PGAP6: variants seen among roughly 807,000 people sequenced by gnomAD.
PGAP6 encodes the protein post-GPI attachment to proteins 6, also known as post-GPI attachment to proteins factor 6.
In PGAP6, 62 loss-of-function variants were observed where a neutral mutation model predicts 68.4. The observed-to-expected ratio is 0.91, with a 90% CI of 0.74 to 1.12. The LOEUF (loss-of-function observed/expected upper bound fraction) is 1.12, where lower values mean the gene tolerates loss of function less well. PGAP6 is among the 50% of genes most tolerant of loss of function. PGAP6 has a pLI of 0.00. For synonymous variants in PGAP6, 575 were observed against 474.0 expected (o/e 1.21, Z -2.77); for missense variants, 1,188 against 1,068.5 (o/e 1.11, Z -1.56).
Position 377,402 on chromosome 16 carries a change from G to A in PGAP6, c.483C>T (p.Pro161=), listed in dbSNP as rs549720498. Residue 161 remains proline (P), a synonymous_variant, in exon 3 of 13, where the codon CCC becomes CCT. Transcript: ENST00000431232. ...GDWFVAAHLP[P]SSQKIELKGL... ...CCTTCAACTCGATCTTCTGGGATGA[G>A]GGGGGCAGGTGGGCGGCCACGAACC... 3.1e-6 allele frequency: 5 copies of A among 1,603,342 alleles called. No individual in the cohort carries two copies. The East Asian group carries it at 6.7e-5, about 22-fold the overall frequency.
At position 377,729 on chromosome 16, in the gene PGAP6, A is replaced by G. The variant is rs765996025; in HGVS notation, c.241T>C (p.Trp81Arg). 2 of 1,597,154 alleles carry G rather than the reference A, an allele frequency of 1.3e-6. No individual in the cohort carries two copies. Among genetic ancestry groups the G allele is most frequent in the Admixed American group, 3.5e-5 (2 of 57,552 alleles). ...CTCTCCCGGGAGACCTGCAGGAGCC[A>G]GCGTAGAAGCACAGCATCTGGGGGC... ...RVPPDAVLLR[W>R]LLQVSRESGA... Residue 81 changes from tryptophan to arginine, a missense_variant, in exon 2 of 13, where the codon TGG becomes CGG. Transcript: ENST00000431232.
chr16:386,926 G>A (rs759767761), upstream of PGAP6: 24 of 593,206 alleles, frequency 4.0e-5, no homozygotes, highest in Middle Eastern at 5.7e-4. Flanking sequence ...CTGCGACGCC[G>A]GAGGCGGCCT....
intron 4 of PGAP6, 35 bp from the exon 5 acceptor site, chr16:376,847 C>T: frequency 6.3e-7 from 1 of 1,598,074 alleles, no homozygotes; most frequent in Non-Finnish European, 8.5e-7. Flanking sequence ...TCAGGCTCTG[C>T]CATTCCTCAG....
At chr16:382,214 G>C (rs2054450277), upstream of PGAP6, 3 of 392,784 alleles carry the variant, frequency 7.6e-6, no homozygotes, top group East Asian at 1.1e-4. Context: ...AGGTCGCGCC[G>C]GGCGCGCTCG....
chr16:375,901 A>ACATCCTG (rs2054378007), intron 6 of PGAP6, among the ~76,000 whole-genome samples: 2 of 152,054 alleles, frequency 1.3e-5, no homozygotes, highest in African/African-American at 2.4e-5. Context: ...GGGCCCTGGG[A>ACATCCTG]CATCCTGCCT....
chr16:372,410 T>C (rs1178579598), intron 12 of PGAP6, 127 bp from the exon 13 acceptor site: 1 of 1,129,280 alleles, frequency 8.9e-7, no homozygotes, highest in Non-Finnish European at 1.3e-6. Context: ...GTGGGCTGCT[T>C]CGAGGGGGCT....
chr16:382,052 G>GA (rs2054446118), upstream of PGAP6: 1 of 501,124 alleles, frequency 2.0e-6, no homozygotes, highest in Non-Finnish European at 2.8e-6. Flanking sequence ...ACCGGGGGGG[G>GA]CGCGGACGCC....
At position 373,155 on chromosome 16, in the gene PGAP6, T is replaced by C. The variant is rs369572903; in HGVS notation, c.1903-428A>G. ...CACCTCTGCCCACAGCCTACAGTTC[T>C]CTGCCTATCTGCAGGTTCAGGCCCC... is the stretch of plus-strand genomic sequence containing the variant. On this transcript the variant is annotated intron_variant, in intron 11 of 12. Transcript: ENST00000431232. Among the ~76,000 whole-genome samples, 13 of 152,342 alleles carry C rather than the reference T, an allele frequency of 8.5e-5. No individual in the cohort carries two copies. The East Asian group carries it at 1.5e-3, about 18-fold the overall frequency.
In PGAP6 at chr16:372,358, T is replaced by G. The variant is rs1336808226; in HGVS notation, c.2020-75A>C. On this transcript the variant is annotated intron_variant, in intron 12 of 12. Transcript: ENST00000431232. ...AGCTCCCAGGGCCCAGATACGGTGG[T>G]TACTGGGGGCCTGCCCAGGTCTGGG... is the stretch of plus-strand genomic sequence containing the variant. 10 of 1,482,296 alleles carry G rather than the reference T, an allele frequency of 6.7e-6. No homozygotes were observed. In the Admixed American group the frequency reaches 1.9e-4, roughly 28 times the overall value. 91.8% of individuals were successfully genotyped at this position (1,482,296 alleles called of 1,614,324 possible).
intron 1 of PGAP6, among the ~76,000 whole-genome samples, chr16:379,354 T>C (rs1459071704): frequency 6.6e-6 from 1 of 152,150 alleles, no homozygotes; most frequent in Non-Finnish European, 1.5e-5. Context: ...TGTCGGCAAA[T>C]CCAGGCCAAG....
Position 374,810 on chromosome 16 carries a change from A to C in PGAP6, c.1522T>G (p.Cys508Gly). 6.2e-7 allele frequency: 1 copy of C among 1,612,892 alleles called. No individual in the cohort carries two copies. The highest frequency in any genetic ancestry group is 8.5e-7 in the Non-Finnish European group (1 of 1,179,952). ...TAGCTGTGTCTGCGGAGCAGGAGGC[A>C]CTGGCCATAGGGTCCACAATCGTTC... ...CLNDCGPYGQ[C>G]LLLRRHSYLY... is the part of the protein sequence containing the mutation. The change falls in exon 9 of 13, where the codon TGC (cysteine) becomes GGC (glycine). Residue 508 changes from cysteine to glycine, a missense_variant. Coordinates refer to ENST00000431232, the MANE Select transcript of PGAP6 (RefSeq NM_021259.3).
At chr16:378,185 CCCGCA>C in intron 1 of PGAP6, among the ~76,000 whole-genome samples, 2 of 150,566 alleles carry the variant, frequency 1.3e-5, no homozygotes, top group African/African-American at 5.0e-5. Flanking sequence ...GCCATCCCCA[CCCGCA>C]CTGCCATCGC....
At chr16:380,646 G>A (rs369257714) in intron 1 of PGAP6, among the ~76,000 whole-genome samples, 1 of 152,232 alleles carries the variant, frequency 6.6e-6, no homozygotes, top group Non-Finnish European at 1.5e-5. Context: ...GATTGCAGGC[G>A]TGAGCTTCGC....
chr16:375,418 C>A lies in PGAP6; in HGVS notation c.1242G>T (p.Glu414Asp), dbSNP rs772383260. Residue 414 changes from glutamate (E) to aspartate (D), a missense_variant, in exon 7 of 13, where the codon GAG becomes GAT. Transcript: ENST00000431232. ...CATTCACGCAGGCCACTACGACGGT[C>A]TCGTTCCGCATCTCTGTCTGGAAAG... Reference protein sequence around the residue: ...LRANKTEMRNETVVVACVNAA... With the variant: ...LRANKTEMRNDTVVVACVNAA... 1 of 1,612,414 alleles carries A rather than the reference C, an allele frequency of 6.2e-7. No homozygotes were observed. Among genetic ancestry groups the A allele is most frequent in the African/African-American group, 1.3e-5 (1 of 74,908 alleles).
At chr16:372,477 T>C (rs1490623085) in intron 12 of PGAP6, 134 bp downstream of exon 12, 1 of 956,732 alleles carries the variant, frequency 1.0e-6, no homozygotes, top group Non-Finnish European at 1.6e-6. Context: ...TGGGCCTCTG[T>C]GGGTGCCATG....
rs765104514 is a variant in PGAP6, at chr16:376,604, C to A, written c.844G>T (p.Ala282Ser). ...PPWDRWLQVT[A>S]ESLVGPLGTV... Reference sequence around the variant, plus strand: ...CCGAGGGGCCCCACCAGGCTCTCAGCTGTCACTTGCAGCCACCGGTCCCAG... The same window carrying A: ...CCGAGGGGCCCCACCAGGCTCTCAGATGTCACTTGCAGCCACCGGTCCCAG... The change falls in exon 5 of 13, where the codon GCT (alanine) becomes TCT (serine). Residue 282 changes from alanine to serine, a missense_variant. Ala to Ser is a moderately conservative substitution (Grantham distance 99). Transcript: ENST00000431232. 6.3e-7 allele frequency: 1 copy of A among 1,589,976 alleles called. No individual in the cohort carries two copies. Among genetic ancestry groups the A allele is most frequent in the East Asian group, 2.2e-5 (1 of 44,598 alleles).
rs1315428869 is a variant in PGAP6 at position 381,697 on chromosome 16, T to A, written c.121+4A>T. ...CCCCGATGGCGCCCGCGCCTCCCGC[T>A]CACCGCTCTTCCCGCTGTAGCCGGC... On this transcript the variant is annotated splice_donor_region_variant and intron_variant, in intron 1 of 12. Transcript: ENST00000431232. The A allele has an allele frequency of 4.2e-6, 5 of 1,199,222 alleles. No homozygotes were observed. The South Asian group carries it at 1.9e-4, about 45-fold the overall frequency. 74.3% of individuals were successfully genotyped at this position (1,199,222 alleles called of 1,614,324 possible).
At chr16:377,247 G>A in intron 3 of PGAP6, 83 bp from the exon 4 acceptor site, 1 of 1,600,640 alleles carries the variant, frequency 6.2e-7, no homozygotes, top group Non-Finnish European at 8.5e-7. Flanking sequence ...CCCCCGGCAT[G>A]CAGGGAGCAG....
chr16:372,305 G>T (rs758333804), intron 12 of PGAP6, 22 bp from the exon 13 acceptor site: 31 of 1,599,332 alleles, frequency 1.9e-5, no homozygotes, highest in Non-Finnish European at 2.4e-5. Flanking sequence ...AGCCACGCAG[G>T]TATCAGTGCA....
Sources: allele counts gnomAD v4.1 joint callset (sites outside exome capture counted in the v4.1 genomes callset), GRCh38; gene constraint gnomAD v4.1.1; transcripts MANE v1.5; gene names NCBI Gene and HGNC (gene_info 2026-07-23, HGNC 2026-07-21).